FLYWCH1: variants seen among roughly 807,000 people sequenced by gnomAD.
FLYWCH1 encodes FLYWCH-type zinc finger-containing protein 1.
A neutral mutation model predicts 66.4 loss-of-function variants in FLYWCH1; 75 were observed. The ratio of observed to expected loss-of-function variants is 1.13; its 90% confidence interval spans 0.94 to 1.37. The LOEUF is 1.37. FLYWCH1 is among the 40% of genes most tolerant of loss of function. The probability of loss-of-function intolerance (pLI) is 0.00; values close to 1 mark genes in which losing one functional copy is unlikely to be tolerated. For synonymous variants in FLYWCH1, 595 were observed against 429.9 expected (o/e 1.38, Z -4.75); for missense variants, 1,334 against 1,001.8 (o/e 1.33, Z -4.48).
chr16:2,940,287 G>C, intron 9 of FLYWCH1, 195 bp downstream of exon 9: 1 of 526,552 alleles, frequency 1.9e-6, no homozygotes, highest in South Asian at 2.4e-5. Flanking sequence ...AAGTGAGGCT[G>C]GAGGCCCTGC....
chr16:2,939,999 T>A (rs2071194365), intron 8 of FLYWCH1, 33 bp from the exon 9 acceptor site: 1 of 1,573,472 alleles, frequency 6.4e-7, no homozygotes, highest in African/African-American at 1.4e-5. Context: ...AGAGAAGAAT[T>A]ATTAATTCAT....
At chr16:2,912,301 C>G (rs1347189810) in intron 1 of FLYWCH1, 147 bp downstream of exon 1, 1 of 152,444 alleles carries the variant, frequency 6.6e-6, no homozygotes, top group Non-Finnish European at 1.5e-5. Flanking sequence ...GTGGGGTCTC[C>G]CGCGATTCCC....
Position 2,949,105 on chromosome 16 carries a change from G to C in FLYWCH1, c.*378G>C, listed in dbSNP as rs2071601136. ...TTTCCACCTGGCGAGGCCCCGCTCT[G>C]CTCAGCACGGTGCAAAGTGAATGCT... On this transcript the variant is annotated 3_prime_UTR_variant, in exon 10 of 10. Transcript: ENST00000253928. 1 of 289,162 alleles carries C rather than the reference G, an allele frequency of 3.5e-6. No homozygotes were observed. The highest frequency in any genetic ancestry group is 6.7e-6 in the Non-Finnish European group (1 of 148,974). 17.9% of individuals were successfully genotyped at this position (289,162 alleles called of 1,614,324 possible).
chr16:2,927,551 A>G (rs1432093170), intron 2 of FLYWCH1, among the ~76,000 whole-genome samples: 1 of 152,260 alleles, frequency 6.6e-6, no homozygotes, highest in Non-Finnish European at 1.5e-5. Context: ...CCATGCATAA[A>G]GCTATCCTAA....
At chr16:2,938,696 TCCGC>T (rs879883902) in intron 8 of FLYWCH1, among the ~76,000 whole-genome samples, 31,099 of 145,158 alleles carry the variant, frequency 0.21, 4,025 homozygotes, top group Non-Finnish European at 0.29. Context: ...CACTGCAAGC[TCCGC>T]CTCCCGGGTT....
At chr16:2,944,995 A>C (rs574448947) in intron 9 of FLYWCH1, among the ~76,000 whole-genome samples, 50 of 152,220 alleles carry the variant, frequency 3.3e-4, no homozygotes, top group Non-Finnish European at 6.3e-4. Flanking sequence ...AGATGGTGAC[A>C]TGGATGACCC....
chr16:2,934,166 C>T (rs2070898581), intron 6 of FLYWCH1, among the ~76,000 whole-genome samples, 187 bp downstream of exon 6: 2 of 152,168 alleles, frequency 1.3e-5, no homozygotes, highest in South Asian at 4.1e-4. Flanking sequence ...TGGGTCTCAC[C>T]TTCCTGCTCA....
rs577747094 is a variant in FLYWCH1 at position 2,948,926 on chromosome 16, T to C, written c.*199T>C. On this transcript the variant is annotated 3_prime_UTR_variant, in exon 10 of 10. Coordinates refer to ENST00000253928, the MANE Select transcript of FLYWCH1 (RefSeq NM_001308068.2). ...TCCTCATGTCGGCGGAGAACAGTGC[T>C]CAGAGCTGGCGCTTGCAGACGCAGC... is the stretch of plus-strand genomic sequence containing the variant. 7 of 576,254 alleles carry C rather than the reference T, an allele frequency of 1.2e-5. No individual in the cohort carries two copies. In the Admixed American group the frequency reaches 2.1e-4, roughly 17 times the overall value. The allele number at this position is 576,254 out of a possible 1,614,324, so 35.7% of individuals were successfully genotyped here.
intron 1 of FLYWCH1, among the ~76,000 whole-genome samples, chr16:2,913,440 G>A (rs2070059233): frequency 6.6e-6 from 1 of 152,080 alleles, no homozygotes; most frequent in Non-Finnish European, 1.5e-5. Context: ...CCCTTTCTGT[G>A]CGCTCTAATT....
intron 6 of FLYWCH1, chr16:2,934,792 A>G (rs1049757062): frequency 5.5e-6 from 2 of 365,786 alleles, no homozygotes; most frequent in African/African-American, 2.1e-5. Flanking sequence ...CCCGCTCCTG[A>G]CCCCACAAGT....
chr16:2,930,265 G>A, intron 3 of FLYWCH1, 145 bp from the exon 4 acceptor site: 2 of 638,806 alleles, frequency 3.1e-6, no homozygotes, highest in South Asian at 2.1e-5. Context: ...ATAAAAACCA[G>A]CCCTGAGAGT....
intron 2 of FLYWCH1, among the ~76,000 whole-genome samples, chr16:2,928,358 A>G (rs1265049163): frequency 6.6e-6 from 1 of 152,130 alleles, no homozygotes; most frequent in Non-Finnish European, 1.5e-5. Context: ...CCATGAGGCC[A>G]TATCTCAGGC....
chr16:2,938,208 T>C lies in FLYWCH1; in HGVS notation c.1802T>C (p.Leu601Pro). 2 of 1,612,968 alleles carry C rather than the reference T, an allele frequency of 1.2e-6. No homozygotes were observed. The highest frequency in any genetic ancestry group is 4.5e-5 in the East Asian group (2 of 44,854). ...SPDPLRPLEF[L>P]RTSLGGRFLV... is the part of the protein sequence containing the mutation. ...GATCCTCTCCGGCCCCTGGAGTTCC[T>C]GAGGACTTCCCTGGGGGGCAGGTTC... Residue 601 changes from leucine to proline, a missense_variant, in exon 8 of 10, where the codon CTG becomes CCG. Coordinates refer to ENST00000253928, the MANE Select transcript of FLYWCH1 (RefSeq NM_001308068.2).
chr16:2,941,114 G>C lies in FLYWCH1; in HGVS notation c.2111+1022G>C, dbSNP rs371149423. On this transcript the variant is annotated intron_variant, in intron 9 of 9. Coordinates refer to ENST00000253928, the MANE Select transcript of FLYWCH1 (RefSeq NM_001308068.2). ...ACCAAATCAAAAACAGAGAAATTTG[G>C]GAAACTCAGAAATACGTAGAAATTA... Among the ~76,000 whole-genome samples, 4 of 152,054 alleles carry C rather than the reference G, an allele frequency of 2.6e-5. No homozygotes were observed. The South Asian group carries it at 8.3e-4, about 32-fold the overall frequency.
intron 4 of FLYWCH1, among the ~76,000 whole-genome samples, chr16:2,932,207 G>A (rs1389719737): frequency 6.7e-6 from 1 of 148,786 alleles, no homozygotes; most frequent in Non-Finnish European, 1.5e-5. Context: ...GGAGGCGGAG[G>A]TTGCAGTGAG....
At chr16:2,927,396 A>G (rs1302564787) in intron 2 of FLYWCH1, among the ~76,000 whole-genome samples, 1 of 152,232 alleles carries the variant, frequency 6.6e-6, no homozygotes, top group African/African-American at 2.4e-5. Context: ...ACGCTTCACC[A>G]TGAAAATGTT....
At position 2,937,388 on chromosome 16, in the gene FLYWCH1, C is replaced by G. The variant is rs371826559; in HGVS notation, c.1777+4C>G. The G allele has an allele frequency of 3.2e-6, 5 of 1,544,246 alleles. No individual in the cohort carries two copies. In the African/African-American group the frequency reaches 5.4e-5, roughly 17 times the overall value. ...CTGGCGCAGTGGGACAGCCCAGGTGCGTGTGGAGGGTGCTGGGCTGGGTCT... is the reference window on the plus strand; with the variant it reads ...CTGGCGCAGTGGGACAGCCCAGGTGGGTGTGGAGGGTGCTGGGCTGGGTCT... On this transcript the variant is annotated splice_donor_region_variant and intron_variant, in intron 7 of 9. Coordinates refer to ENST00000253928, the MANE Select transcript of FLYWCH1 (RefSeq NM_001308068.2).
chr16:2,917,697 A>G (rs1413904286), intron 2 of FLYWCH1, among the ~76,000 whole-genome samples: 2 of 152,076 alleles, frequency 1.3e-5, no homozygotes, highest in African/African-American at 2.4e-5. Flanking sequence ...AAGGTCATCT[A>G]TTCTAGTGTT....
chr16:2,947,853 G>A (rs902386820), intron 9 of FLYWCH1, among the ~76,000 whole-genome samples: 8 of 151,596 alleles, frequency 5.3e-5, no homozygotes, highest in South Asian at 2.1e-4. Flanking sequence ...AGCAACACAG[G>A]GAGAACCCCA....
Sources: allele counts gnomAD v4.1 joint callset (sites outside exome capture counted in the v4.1 genomes callset), GRCh38; gene constraint gnomAD v4.1.1; transcripts MANE v1.5; gene names NCBI Gene and HGNC (gene_info 2026-07-23, HGNC 2026-07-21).